SLC30A3: variants seen among roughly 807,000 people sequenced by gnomAD.
SLC30A3 encodes probable proton-coupled zinc antiporter SLC30A3.
A neutral mutation model predicts 35.6 loss-of-function variants in SLC30A3; 20 were observed. The ratio of observed to expected loss-of-function variants is 0.56; its 90% CI spans 0.39 to 0.82. SLC30A3 has a LOEUF of 0.82. Among genes scored for constraint, SLC30A3 ranks in the 40% least tolerant of loss-of-function variants. SLC30A3 has a pLI of 0.00. For synonymous variants in SLC30A3, 217 were observed against 224.7 expected (o/e 0.97, Z 0.31); for missense variants, 401 against 530.6 (o/e 0.76, Z 2.40).
intron 1 of SLC30A3, among the ~76,000 whole-genome samples, chr2:27,269,674 A>G (rs1677650636): frequency 6.6e-6 from 1 of 151,940 alleles, no homozygotes; most frequent in Non-Finnish European, 1.5e-5. Flanking sequence ...GCAGAAGCTT[A>G]AGGACCAAAC....
chr2:27,256,204 C>T (rs1572466923), intron 7 of SLC30A3, 182 bp downstream of exon 7: 1 of 696,908 alleles, frequency 1.4e-6, no homozygotes, highest in East Asian at 2.8e-5. Context: ...TCCTTGTCTC[C>T]AACATGCACG....
chr2:27,269,312 G>T (rs1463387396), intron 1 of SLC30A3, among the ~76,000 whole-genome samples: 15 of 149,306 alleles, frequency 1.0e-4, no homozygotes, highest in African/African-American at 3.7e-4. Context: ...TTCAAGTGAT[G>T]CTCCTGCCTT....
chr2:27,259,040 A>C (rs1385373450), intron 1 of SLC30A3, 106 bp from the exon 2 acceptor site: 2 of 905,170 alleles, frequency 2.2e-6, no homozygotes, highest in Non-Finnish European at 1.7e-6. Context: ...CTCCTTCCCC[A>C]GGCCTGGTCG....
In SLC30A3 at chr2:27,255,049, C is replaced by A; in HGVS notation, c.*263G>T. On this transcript the variant is annotated 3_prime_UTR_variant, in exon 8 of 8. Coordinates refer to ENST00000233535, the MANE Select transcript of SLC30A3 (RefSeq NM_003459.5). This position sits in a 1 kb window ranked among gnomAD's most constrained non-coding sequence, Gnocchi z 5.2. ...ATGGCACCACAGGCCTTCAACACACCCTGCCACACTGAGGCCTGGGAGTCC... is the reference window on the plus strand; with the variant it reads ...ATGGCACCACAGGCCTTCAACACACACTGCCACACTGAGGCCTGGGAGTCC... The A allele has an allele frequency of 1.4e-6, 2 of 1,408,038 alleles. No individual in the cohort carries two copies. Among genetic ancestry groups the A allele is most frequent in the Non-Finnish European group, 9.3e-7 (1 of 1,072,102 alleles). The allele number at this position is 1,408,038 out of a possible 1,614,324, so 87.2% of individuals were successfully genotyped here.
upstream of SLC30A3, chr2:27,275,407 C>T (rs981317335): frequency 2.6e-6 from 1 of 377,654 alleles, no homozygotes; most frequent in Non-Finnish European, 5.1e-6. Context: ...CCACCCAGTG[C>T]TTCCGGGGGC....
rs1460102107 is a variant in SLC30A3 at position 27,258,272 on chromosome 2, C to A, written c.313G>T (p.Asp105Tyr). Residue 105 changes from aspartate to tyrosine, a missense_variant, in exon 3 of 8, where the codon GAT becomes TAT. Transcript: ENST00000233535. The surrounding 1 kb of genome is among the most constrained non-coding windows in gnomAD (Gnocchi z 4.0). ...YLAHSLAIMT[D>Y]AAHLLADVGS... ...ACATCCGCCAGCAAGTGGGCTGCAT[C>A]GGTCATGATGGCCAGGCTGTGTGCC... 6.5e-7 allele frequency: 1 copy of A among 1,541,198 alleles called. No homozygotes were observed. The highest frequency in any genetic ancestry group is 1.3e-5 in the South Asian group (1 of 79,404).
chr2:27,275,335 G>A (rs1677966248), exon 1 of SLC30A3: 2 of 680,500 alleles, frequency 2.9e-6, no homozygotes, highest in South Asian at 3.0e-5. Context: ...CCGCAGGCCT[G>A]CTAAGCCCTC....
Position 27,271,162 on chromosome 2 carries a change from G to A in SLC30A3, c.-159+4015C>T, listed in dbSNP as rs141161374. Among the ~76,000 whole-genome samples the A allele has an allele frequency of 1.6e-4, 24 of 152,298 alleles. No individual in the cohort carries two copies. The East Asian group carries it at 4.6e-3, about 29-fold the overall frequency. ...AAAAACTGTACAATTTGAGAACCTG[G>A]TGGTTGAATGTGACAAATTGTGATC... On this transcript the variant is annotated intron_variant, in intron 1 of 5. Transcript: ENST00000424577. This position sits in a 1 kb window ranked among gnomAD's most constrained non-coding sequence, Gnocchi z 4.3.
chr2:27,275,433 G>A (rs1677973136), upstream of SLC30A3: 1 of 358,960 alleles, frequency 2.8e-6, no homozygotes, highest in Non-Finnish European at 5.5e-6. Context: ...AAAACGACCT[G>A]CCCAGACCCT....
In SLC30A3 at chr2:27,255,372, G is replaced by A. The variant is rs764446360; in HGVS notation, c.1107C>T (p.Val369=). 26 of 1,614,052 alleles carry A rather than the reference G, an allele frequency of 1.6e-5. No homozygotes were observed. The highest frequency in any genetic ancestry group is 5.3e-5 in the African/African-American group (4 of 74,926). Residue 369 remains valine (V), a synonymous_variant, in exon 8 of 8, where the codon GTC becomes GTT. Coordinates refer to ENST00000233535, the MANE Select transcript of SLC30A3 (RefSeq NM_003459.5). This position sits in a 1 kb window ranked among gnomAD's most constrained non-coding sequence, Gnocchi z 5.2. ...RFGFSSCTLQ[V]EQYQPEMAQC... ...GGGCCATCTCCGGCTGATACTGCTC[G>A]ACCTGCAGGGTGCAGCTGGAGAATC...
chr2:27,273,570 T>A (rs1465680670), intron 1 of SLC30A3, among the ~76,000 whole-genome samples: 1 of 146,614 alleles, frequency 6.8e-6, no homozygotes, highest in Non-Finnish European at 1.5e-5. Flanking sequence ...ATAAAAAAAT[T>A]ATCAGCTTCA....
At chr2:27,260,028 G>A (rs1677098961) in intron 1 of SLC30A3, among the ~76,000 whole-genome samples, 1 of 152,176 alleles carries the variant, frequency 6.6e-6, no homozygotes, top group African/African-American at 2.4e-5. Flanking sequence ...TGCTATGCCA[G>A]GCACGCCAAG....
At chr2:27,264,069 C>T, upstream of SLC30A3, 1 of 1,288,596 alleles carries the variant, frequency 7.8e-7, no homozygotes, top group Non-Finnish European at 1.0e-6. The surrounding 1 kb of genome is among the most constrained non-coding windows in gnomAD (Gnocchi z 6.1). Flanking sequence ...TCTCTCCCCT[C>T]GCACCTGCCG....
At position 27,258,252 on chromosome 2, in the gene SLC30A3, C is replaced by G; in HGVS notation, c.333G>C (p.Ala111=). 1 of 1,570,758 alleles carries G rather than the reference C, an allele frequency of 6.4e-7. No individual in the cohort carries two copies. Among genetic ancestry groups the G allele is most frequent in the East Asian group, 2.3e-5 (1 of 44,334 alleles). The part of the protein sequence containing the change: ...AIMTDAAHLL[A]DVGSMMGSLF... ...GGCTGCCCATCATGCTGCCCACATC[C>G]GCCAGCAAGTGGGCTGCATCGGTCA... The change falls in exon 3 of 8, where the codon GCG becomes GCC. Residue 111 remains alanine, a synonymous_variant. Coordinates refer to ENST00000233535, the MANE Select transcript of SLC30A3 (RefSeq NM_003459.5). The surrounding 1 kb of genome is among the most constrained non-coding windows in gnomAD (Gnocchi z 4.0).
At chr2:27,261,055 G>A (rs1369717493) in intron 1 of SLC30A3, among the ~76,000 whole-genome samples, 1 of 152,146 alleles carries the variant, frequency 6.6e-6, no homozygotes, top group Non-Finnish European at 1.5e-5. Context: ...CCCTCACAGC[G>A]GGCTCGGAGA....
At position 27,255,390 on chromosome 2, in the gene SLC30A3, G is replaced by A; in HGVS notation, c.1089C>T (p.Ser363=). The change falls in exon 8 of 8, where the codon TCC becomes TCT. Residue 363 remains serine, a synonymous_variant. Transcript: ENST00000233535. This position sits in a 1 kb window ranked among gnomAD's most constrained non-coding sequence, Gnocchi z 5.2. ...ACTGCTCGACCTGCAGGGTGCAGCT[G>A]GAGAATCCAAACCGGGAGTAGAGCC... The part of the protein sequence containing the change: ...SSRLYSRFGF[S]SCTLQVEQYQ... The A allele has an allele frequency of 6.2e-7, 1 of 1,614,174 alleles. No homozygotes were observed. The highest frequency in any genetic ancestry group is 8.5e-7 in the Non-Finnish European group (1 of 1,180,032).
At position 27,257,300 on chromosome 2, in the gene SLC30A3, C is replaced by A; in HGVS notation, c.631G>T (p.Gly211Ter). 6.2e-7 allele frequency: 1 copy of A among 1,613,902 alleles called. No individual in the cohort carries two copies. Among genetic ancestry groups the A allele is most frequent in the East Asian group, 2.2e-5 (1 of 44,870 alleles). Residue 211 changes from glycine (G) to a stop codon, truncating the protein, a stop_gained, in exon 5 of 8, where the codon GGA becomes TGA. Transcript: ENST00000233535. LOFTEE classifies it high-confidence loss of function. This position sits in a 1 kb window ranked among gnomAD's most constrained non-coding sequence, Gnocchi z 4.7. ...TCCTCCAGCGGTGCATACTCTGCTC[C>A]CCTAGACCCGTGGCTGTGGGGGGGC... is the stretch of plus-strand genomic sequence containing the variant. ...AGPPHSHGSRGAEYAPLEEGP... is the reference protein window; with the variant it reads ...AGPPHSHGSR
Position 27,257,717 on chromosome 2 carries a change from CAG to C in SLC30A3, c.578+186_578+187del. On this transcript the variant is annotated intron_variant, in intron 4 of 7. Transcript: ENST00000233535. The surrounding 1 kb of genome is among the most constrained non-coding windows in gnomAD (Gnocchi z 4.7). ...TGGCTGGCCCATGGCAGGCCCTTGA[CAG>C]AGATCTGCTGACTGAATTTTAGGTC... The C allele has an allele frequency of 1.6e-6, 1 of 641,000 alleles. No homozygotes were observed. The highest frequency in any genetic ancestry group is 2.0e-5 in the South Asian group (1 of 50,848). 39.7% of individuals were successfully genotyped at this position (641,000 alleles called of 1,614,324 possible).
At position 27,258,395 on chromosome 2, in the gene SLC30A3, A is replaced by G. The variant is rs1020842452; in HGVS notation, c.278-88T>C. On this transcript the variant is annotated intron_variant, in intron 2 of 7. Transcript: ENST00000233535. The surrounding 1 kb of genome is among the most constrained non-coding windows in gnomAD (Gnocchi z 4.0). ...ATGGAAAATAAATTGGGGGATATACACCAAAAATGTGATTTGGGGTTTTCT... is the reference window on the plus strand; with the variant it reads ...ATGGAAAATAAATTGGGGGATATACGCCAAAAATGTGATTTGGGGTTTTCT... 84 of 1,332,218 alleles carry G rather than the reference A, an allele frequency of 6.3e-5. No homozygotes were observed. Among genetic ancestry groups the G allele is most frequent in the Non-Finnish European group, 8.1e-5 (81 of 998,934 alleles). 82.5% of individuals were successfully genotyped at this position (1,332,218 alleles called of 1,614,324 possible). A position where few individuals can be genotyped will look rare whatever the true frequency, so the allele number is the denominator to read the frequency against.
Sources: allele counts gnomAD v4.1 joint callset (sites outside exome capture counted in the v4.1 genomes callset), GRCh38; gene constraint gnomAD v4.1.1; non-coding constraint Gnocchi (gnomAD v3.1); transcripts MANE v1.5; gene names NCBI Gene and HGNC (gene_info 2026-07-23, HGNC 2026-07-21).